STK32B: variants seen among roughly 807,000 people sequenced by gnomAD.
The protein encoded by STK32B is serine/threonine kinase 32B.
In STK32B, 43 loss-of-function variants were observed where a neutral mutation model predicts 52.6. That is an observed-to-expected ratio of 0.82 (90% CI 0.64 to 1.05). STK32B has a LOEUF of 1.05. STK32B is among the 50% of genes least tolerant of loss of function. STK32B has a pLI of 0.00. For missense variants in STK32B, 621 were observed against 534.6 expected (o/e 1.16, Z -1.59); for synonymous variants, 238 against 204.3 (o/e 1.17, Z -1.41).
intron 6 of STK32B, among the ~76,000 whole-genome samples, chr4:5,433,701 G>C (rs1348074644): frequency 6.6e-6 from 1 of 152,186 alleles, no homozygotes; most frequent in East Asian, 1.9e-4. Flanking sequence ...CTGTCAGCTC[G>C]CAGGCTAGAT....
chr4:5,046,328 A>G, the STK32B span, among the ~76,000 whole-genome samples: 4 of 152,316 alleles, frequency 2.6e-5, no homozygotes, highest in Admixed American at 1.3e-4. Flanking sequence ...GAAAATTGCA[A>G]CTGGACTCCT....
In STK32B at chr4:5,470,389, C is replaced by T. The variant is rs1454170937; in HGVS notation, c.1106+2319C>T. 1.3e-5 allele frequency among the ~76,000 whole-genome samples: 2 copies of T among 152,124 alleles called. No homozygotes were observed. The highest frequency in any genetic ancestry group is 2.9e-5 in the Non-Finnish European group (2 of 68,040). On this transcript the variant is annotated intron_variant, in intron 11 of 11. Coordinates refer to ENST00000282908, the MANE Select transcript of STK32B (RefSeq NM_018401.3). This position sits in a 1 kb window ranked among gnomAD's most constrained non-coding sequence, Gnocchi z 4.6. ...CAGCAAAATAAAGAAAGAGGGCAGA[C>T]GTCATGTGTTCCTGACAATGGGGAG... is the stretch of plus-strand genomic sequence containing the variant.
intron 4 of STK32B, among the ~76,000 whole-genome samples, chr4:5,372,863 C>A (rs1735342513): frequency 6.6e-6 from 1 of 152,168 alleles, no homozygotes; most frequent in East Asian, 1.9e-4. Context: ...TGCCATGAGC[C>A]CAATAAAGTT....
intron 3 of STK32B, 85 bp from the exon 4 acceptor site, chr4:5,331,135 G>A: frequency 1.5e-6 from 2 of 1,329,946 alleles, no homozygotes; most frequent in African/African-American, 1.5e-5. Flanking sequence ...GCCTCAGTTT[G>A]CTCTTCTGTA....
rs576284880 is a variant in STK32B, at chr4:5,408,905, G to A, written c.473-7940G>A. ...CTATTCTTAGTTCATTTTACTTGTC[G>A]GAGCTTCATTGCCCTCAAGAGAGAA... On this transcript the variant is annotated intron_variant, in intron 5 of 11. Transcript: ENST00000282908. 9.2e-5 allele frequency among the ~76,000 whole-genome samples: 14 copies of A among 152,210 alleles called. No individual in the cohort carries two copies. The South Asian group carries it at 1.0e-3, about 11-fold the overall frequency.
chr4:5,471,247 G>T (rs575212346), intron 11 of STK32B, among the ~76,000 whole-genome samples: 1 of 152,304 alleles, frequency 6.6e-6, no homozygotes, highest in African/African-American at 2.4e-5. Flanking sequence ...TTCAGAATGT[G>T]ACCTTATTTG....
chr4:5,073,564 T>G (rs1711904864), intron 1 of STK32B, among the ~76,000 whole-genome samples: 1 of 152,068 alleles, frequency 6.6e-6, no homozygotes, highest in Non-Finnish European at 1.5e-5. Flanking sequence ...ATATAACGTT[T>G]CCAGTGCTCT....
intron 1 of STK32B, among the ~76,000 whole-genome samples, chr4:5,120,865 C>T (rs1714987011): frequency 1.3e-5 from 2 of 151,156 alleles, no homozygotes; most frequent in South Asian, 4.2e-4. Flanking sequence ...TAATATAACA[C>T]TTCATTTAAG....
In STK32B at chr4:5,394,087, G is replaced by A. The variant is rs1460391400; in HGVS notation, c.435-4120G>A. On this transcript the variant is annotated intron_variant, in intron 4 of 11. Transcript: ENST00000282908. The surrounding 1 kb of genome is among the most constrained non-coding windows in gnomAD (Gnocchi z 4.2). Reference sequence around the variant, plus strand: ...AAGACACATGCAGAAACATCCTGGTGGCCCTGCTTTGCAGTCTGTGCATGG... The same window carrying A: ...AAGACACATGCAGAAACATCCTGGTAGCCCTGCTTTGCAGTCTGTGCATGG... Among the ~76,000 whole-genome samples, 2 of 152,130 alleles carry A rather than the reference G, an allele frequency of 1.3e-5. No homozygotes were observed. The highest frequency in any genetic ancestry group is 2.9e-5 in the Non-Finnish European group (2 of 68,028).
intron 3 of STK32B, among the ~76,000 whole-genome samples, chr4:5,176,422 C>G (rs1044632715): frequency 2.0e-5 from 3 of 148,900 alleles, no homozygotes; most frequent in African/African-American, 7.4e-5. Context: ...TGGAGCTGTT[C>G]CTATTCGGCC....
At chr4:5,239,765 T>A (rs1464448685) in intron 3 of STK32B, among the ~76,000 whole-genome samples, 1 of 152,162 alleles carries the variant, frequency 6.6e-6, no homozygotes, top group South Asian at 2.1e-4. Context: ...GTCAGAATTT[T>A]TTTTTTTTCT....
In STK32B at chr4:5,433,185, A is replaced by AGAG. The variant is rs200011894; in HGVS notation, c.563-13487_563-13485dup. On this transcript the variant is annotated intron_variant, in intron 6 of 11. Transcript: ENST00000282908. ...CAGAGTAGAGGATAGAAAGGAGGAT[A>AGAG]GAGAGGAAGTTTCTGGAAGGGAAAA... is the stretch of plus-strand genomic sequence containing the variant. 5.0e-3 allele frequency among the ~76,000 whole-genome samples: 756 copies of AGAG among 152,000 alleles called. 19 individuals are homozygous for AGAG. In the East Asian group the frequency reaches 0.071, roughly 14 times the overall value.
At chr4:5,158,930 G>T (rs1018894478) in intron 2 of STK32B, among the ~76,000 whole-genome samples, 24 of 152,162 alleles carry the variant, frequency 1.6e-4, no homozygotes, top group African/African-American at 5.8e-4. Context: ...TATGAATTTG[G>T]GGGACATACA....
At chr4:5,464,436 A>T (rs1404594523) in intron 9 of STK32B, among the ~76,000 whole-genome samples, 2 of 152,188 alleles carry the variant, frequency 1.3e-5, no homozygotes, top group African/African-American at 4.8e-5. Flanking sequence ...AGTGGTGAGA[A>T]CACTCTGTCG....
At chr4:5,215,777 A>T (rs1723147289) in intron 3 of STK32B, among the ~76,000 whole-genome samples, 1 of 152,082 alleles carries the variant, frequency 6.6e-6, no homozygotes, top group Admixed American at 6.6e-5. Context: ...AGTCTTAGAG[A>T]TGGATGGGAA....
chr4:5,313,709 G>C (rs1730469137), intron 3 of STK32B, among the ~76,000 whole-genome samples: 4 of 152,098 alleles, frequency 2.6e-5, no homozygotes, highest in Admixed American at 2.6e-4. Flanking sequence ...CAACATTCGT[G>C]CATAAAGATC....
In STK32B at chr4:5,399,406, G is replaced by A. The variant is rs145004808; in HGVS notation, c.472+1162G>A. 9.6e-3 allele frequency among the ~76,000 whole-genome samples: 1,455 copies of A among 152,242 alleles called. 12 individuals are homozygous for A. The highest frequency in any genetic ancestry group is 0.015 in the Non-Finnish European group (992 of 68,008). ...TAGCTTGGGGCATCCTAACCTCATAGTGTGCATCCCTATGTACAGGAGTGG... is the reference window on the plus strand; with the variant it reads ...TAGCTTGGGGCATCCTAACCTCATAATGTGCATCCCTATGTACAGGAGTGG... On this transcript the variant is annotated intron_variant, in intron 5 of 11. Coordinates refer to ENST00000282908, the MANE Select transcript of STK32B (RefSeq NM_018401.3). The surrounding 1 kb of genome is among the most constrained non-coding windows in gnomAD (Gnocchi z 5.4).
chr4:5,498,462 C>T (rs1002921575), intron 11 of STK32B, among the ~76,000 whole-genome samples: 6 of 152,266 alleles, frequency 3.9e-5, no homozygotes, highest in African/African-American at 1.2e-4. Flanking sequence ...TCATTGAGCT[C>T]CTTGAGGACA....
intron 3 of STK32B, among the ~76,000 whole-genome samples, chr4:5,327,479 G>A (rs999052492): frequency 6.6e-6 from 1 of 151,902 alleles, no homozygotes; most frequent in Non-Finnish European, 1.5e-5. Context: ...GATGGATGTT[G>A]TTTTATCATG....
Sources: gnomAD v4.1 joint callset for allele counts (sites outside exome capture counted in the v4.1 genomes callset) on GRCh38, gnomAD v4.1.1 for gene constraint, Gnocchi (gnomAD v3.1) non-coding constraint, MANE v1.5 for transcripts, NCBI Gene and HGNC (gene_info 2026-07-23, HGNC 2026-07-21) for gene names.